Variants in KIAA1217 observed in about 807,000 individuals in gnomAD.
KIAA1217 encodes the protein sickle tail protein homolog.
Under a neutral mutation model 163.9 loss-of-function variants are expected in KIAA1217, and 88 were observed. The observed-to-expected ratio is 0.54, with a 90% CI of 0.45 to 0.64. The LOEUF is 0.64. Among genes scored for constraint, KIAA1217 ranks in the 30% least tolerant of loss-of-function variants. The pLI is 0.00. For missense variants in KIAA1217, 2,372 were observed against 2,475.0 expected, an observed-to-expected ratio of 0.96 and a Z score of 0.88; for synonymous variants, 903 against 923.1, an observed-to-expected ratio of 0.98 and a Z score of 0.39.
At chr10:24,333,689 G>A (rs899818131) in intron 2 of KIAA1217, among the ~76,000 whole-genome samples, 4 of 152,200 alleles carry the variant, frequency 2.6e-5, no homozygotes, top group Non-Finnish European at 5.9e-5. Context: ...AACAAAGCAC[G>A]TTGTTTTAAG....
intron 1 of KIAA1217, among the ~76,000 whole-genome samples, chr10:23,714,035 C>T (rs910250320): frequency 4.6e-5 from 7 of 152,112 alleles, no homozygotes; most frequent in Non-Finnish European, 7.4e-5. Context: ...ACCAGAACTT[C>T]TCTGCCTTCT....
At chr10:24,170,552 G>T (rs1315574740) in intron 2 of KIAA1217, among the ~76,000 whole-genome samples, 1 of 152,186 alleles carries the variant, frequency 6.6e-6, no homozygotes, top group African/African-American at 2.4e-5. Flanking sequence ...CCAAGGATGG[G>T]TGCACAGTAA....
chr10:23,818,329 ATT>A (rs201362604), intron 1 of KIAA1217, among the ~76,000 whole-genome samples: 24,256 of 130,358 alleles, frequency 0.19, 2,274 homozygotes, highest in Middle Eastern at 0.28. Context: ...CTATATATAT[ATT>A]TTATATATAT....
At chr10:24,402,221 G>A (rs2056604219) in intron 3 of KIAA1217, among the ~76,000 whole-genome samples, 2 of 152,014 alleles carry the variant, frequency 1.3e-5, no homozygotes, top group South Asian at 2.1e-4. Flanking sequence ...AAAGGCAAAC[G>A]AGTGGTCAGG....
chr10:23,979,586 A>G (rs181496792), intron 1 of KIAA1217, among the ~76,000 whole-genome samples: 15 of 152,328 alleles, frequency 9.8e-5, no homozygotes, highest in Non-Finnish European at 1.8e-4. Context: ...GGAAAATCAT[A>G]CAAAACAAAT....
intron 3 of KIAA1217, among the ~76,000 whole-genome samples, chr10:24,413,361 AG>A (rs1292133325): frequency 7.2e-5 from 11 of 152,246 alleles, no homozygotes; most frequent in African/African-American, 2.6e-4. Flanking sequence ...TAGTAGAGAC[AG>A]GGTTTCACCA....
chr10:23,963,979 C>A (rs1844940693), intron 1 of KIAA1217, among the ~76,000 whole-genome samples: 3 of 151,566 alleles, frequency 2.0e-5, no homozygotes, highest in Admixed American at 2.0e-4. Flanking sequence ...CTGCAACCTC[C>A]GCCACCCAGG....
chr10:23,885,141 GT>G (rs1391419405), intron 1 of KIAA1217, among the ~76,000 whole-genome samples: 1 of 151,906 alleles, frequency 6.6e-6, no homozygotes, highest in African/African-American at 2.4e-5. Flanking sequence ...TAAAAATTCA[GT>G]TTGTAAATAA....
intron 1 of KIAA1217, among the ~76,000 whole-genome samples, chr10:23,919,815 C>A (rs931431497): frequency 6.6e-6 from 1 of 152,086 alleles, no homozygotes; most frequent in South Asian, 2.1e-4. Context: ...TCTAGAGGAG[C>A]CTCTTCAACT....
chr10:24,151,186 T>A (rs893205593), intron 2 of KIAA1217, among the ~76,000 whole-genome samples: 4 of 152,064 alleles, frequency 2.6e-5, no homozygotes, highest in African/African-American at 9.7e-5. Flanking sequence ...GTTCATTTAC[T>A]TTTTGGTTGT....
chr10:23,718,871 G>C (rs1218386163), intron 1 of KIAA1217, among the ~76,000 whole-genome samples: 1 of 151,344 alleles, frequency 6.6e-6, no homozygotes, highest in Non-Finnish European at 1.5e-5. Context: ...AGAGAAGAGA[G>C]AGAGAGAGAG....
chr10:24,444,934 A>C (rs2060799444), intron 5 of KIAA1217, among the ~76,000 whole-genome samples: 1 of 152,156 alleles, frequency 6.6e-6, no homozygotes, highest in African/African-American at 2.4e-5. Context: ...TTGGTTGCAC[A>C]TTCTACTTTG....
intron 1 of KIAA1217, among the ~76,000 whole-genome samples, chr10:23,907,503 T>A: frequency 6.6e-6 from 1 of 151,926 alleles, no homozygotes; most frequent in East Asian, 1.9e-4. Context: ...AGTCAGAAGG[T>A]CTGAGAACCA....
At chr10:24,017,990 C>T (rs1847564004) in intron 2 of KIAA1217, among the ~76,000 whole-genome samples, 2 of 152,092 alleles carry the variant, frequency 1.3e-5, no homozygotes, top group South Asian at 2.1e-4. Flanking sequence ...CCAACCACAA[C>T]TCTACCAGGT....
intron 1 of KIAA1217, among the ~76,000 whole-genome samples, chr10:23,881,306 T>G (rs966700076): frequency 6.6e-6 from 1 of 151,950 alleles, no homozygotes; most frequent in African/African-American, 2.4e-5. Flanking sequence ...AATTATGAAA[T>G]GAATATATTA....
chr10:24,294,200 A>AAC (rs1411475743), intron 2 of KIAA1217, among the ~76,000 whole-genome samples: 2 of 151,264 alleles, frequency 1.3e-5, no homozygotes, highest in Non-Finnish European at 3.0e-5. Flanking sequence ...AAAAAAAAAA[A>AAC]AAAAAAAAAA....
At chr10:24,513,233 T>A (rs772944674) in intron 9 of KIAA1217, 26 bp from the exon 10 acceptor site, 1 of 1,610,876 alleles carries the variant, frequency 6.2e-7, no homozygotes, top group Non-Finnish European at 8.5e-7. Flanking sequence ...CAGAGCCCAC[T>A]GAGGTTGATT....
At chr10:24,154,416 G>A (rs1002368503) in intron 2 of KIAA1217, among the ~76,000 whole-genome samples, 8 of 151,980 alleles carry the variant, frequency 5.3e-5, no homozygotes, top group Non-Finnish European at 8.8e-5. Context: ...GACAGAATGA[G>A]ACTCTATCTA....
At chr10:23,924,076 T>A (rs1842937603) in intron 1 of KIAA1217, among the ~76,000 whole-genome samples, 1 of 152,084 alleles carries the variant, frequency 6.6e-6, no homozygotes, top group South Asian at 2.1e-4. Context: ...GAATTACTGA[T>A]CAATTTATGA....
Sources: allele counts gnomAD v4.1 joint callset (sites outside exome capture counted in the v4.1 genomes callset), GRCh38; gene constraint gnomAD v4.1.1; transcripts MANE v1.5; gene names NCBI Gene and HGNC (gene_info 2026-07-23, HGNC 2026-07-21).